The following RPS6KC1 variants were observed in gnomAD, a reference collection of about 807,000 sequenced individuals.
RPS6KC1 encodes the protein inactive ribosomal protein S6 kinase delta-1.
RPS6KC1 carries 54 observed loss-of-function variants against 103.8 expected under a neutral mutation model. The ratio of observed to expected loss-of-function variants is 0.52; its 90% CI spans 0.42 to 0.65. The LOEUF is 0.65. Ranked by LOEUF, RPS6KC1 falls within the 30% of genes least tolerant of loss-of-function variation. The probability of loss-of-function intolerance (pLI) is 0.00; values close to 1 mark genes in which losing one functional copy is unlikely to be tolerated. For synonymous variants in RPS6KC1, 439 were observed against 438.7 expected (o/e 1.00, Z -0.01); for missense variants, 1,151 against 1,253.8 (o/e 0.92, Z 1.24).
the RPS6KC1 span, among the ~76,000 whole-genome samples, chr1:213,313,986 C>T: frequency 1.3e-5 from 2 of 152,094 alleles, no homozygotes; most frequent in African/African-American, 4.8e-5. Flanking sequence ...GAAACTTATT[C>T]TCTCCCAGTT....
the RPS6KC1 span, among the ~76,000 whole-genome samples, chr1:213,484,506 A>G: frequency 1.4e-4 from 22 of 152,336 alleles, no homozygotes; most frequent in African/African-American, 5.3e-4. Context: ...GGCTTTCCCT[A>G]GAGAAGGTGA....
the RPS6KC1 span, among the ~76,000 whole-genome samples, chr1:213,726,419 T>C: frequency 8.5e-5 from 13 of 152,164 alleles, no homozygotes; most frequent in Admixed American, 2.0e-4. Flanking sequence ...GCACTAACTG[T>C]CATAAAAAAG....
chr1:213,358,962 T>A, the RPS6KC1 span, among the ~76,000 whole-genome samples: 40 of 152,308 alleles, frequency 2.6e-4, no homozygotes, highest in African/African-American at 8.4e-4. Context: ...TGCTGAGGAG[T>A]GCTTTACTTC....
At chr1:213,058,741 C>A (rs1189668273) in intron 1 of RPS6KC1, among the ~76,000 whole-genome samples, 1 of 152,026 alleles carries the variant, frequency 6.6e-6, no homozygotes, top group Non-Finnish European at 1.5e-5. Flanking sequence ...TACCCTAGTT[C>A]CTTTGCTTTT....
chr1:213,286,658 C>A, the RPS6KC1 span, among the ~76,000 whole-genome samples: 1 of 152,268 alleles, frequency 6.6e-6, no homozygotes, highest in East Asian at 1.9e-4. Context: ...GGTAGAGTGT[C>A]TTTATAAAAC....
At chr1:213,728,116 A>C in the RPS6KC1 span, among the ~76,000 whole-genome samples, 1 of 152,142 alleles carries the variant, frequency 6.6e-6, no homozygotes, top group African/African-American at 2.4e-5. Context: ...GGAGTAAAGC[A>C]GAGTGATATG....
the RPS6KC1 span, among the ~76,000 whole-genome samples, chr1:213,690,204 G>A: frequency 1.1e-4 from 17 of 152,174 alleles, no homozygotes; most frequent in Non-Finnish European, 2.5e-4. Context: ...AAGGTCCTCA[G>A]GGACATCTTT....
the RPS6KC1 span, among the ~76,000 whole-genome samples, chr1:213,671,202 G>A: frequency 6.6e-6 from 1 of 152,162 alleles, no homozygotes. Context: ...CTTAAAAACA[G>A]GAAATTTTGT....
chr1:213,521,885 C>T, the RPS6KC1 span, among the ~76,000 whole-genome samples: 207 of 152,298 alleles, frequency 1.4e-3, 1 homozygote, highest in African/African-American at 4.6e-3. Flanking sequence ...ACTGACGTTG[C>T]GAGTCCCTTA....
chr1:213,786,265 C>T, the RPS6KC1 span, among the ~76,000 whole-genome samples: 121 of 152,258 alleles, frequency 7.9e-4, 2 homozygotes, highest in African/African-American at 2.9e-3. Context: ...TTTGAAAAGC[C>T]TTAGCCCCAG....
the RPS6KC1 span, among the ~76,000 whole-genome samples, chr1:213,290,222 A>C: frequency 2.4e-3 from 362 of 151,468 alleles, 1 homozygote; most frequent in Middle Eastern, 0.01. Flanking sequence ...AATAGCAGTG[A>C]AAGGGATGAG....
At chr1:213,172,513 A>G (rs2091551751) in intron 7 of RPS6KC1, among the ~76,000 whole-genome samples, 2 of 152,246 alleles carry the variant, frequency 1.3e-5, no homozygotes, top group Non-Finnish European at 2.9e-5. Flanking sequence ...CAGGAGGCTG[A>G]GGCACAAGGT....
chr1:213,353,602 A>G, the RPS6KC1 span, among the ~76,000 whole-genome samples: 12 of 152,228 alleles, frequency 7.9e-5, 1 homozygote, highest in Admixed American at 7.9e-4. Context: ...GCTGTGAAAT[A>G]GCAAAGTGAA....
In RPS6KC1 at chr1:213,242,565, T is replaced by C; in HGVS notation, c.2822-4T>C. 6.2e-7 allele frequency: 1 copy of C among 1,610,808 alleles called. No homozygotes were observed. The highest frequency in any genetic ancestry group is 8.5e-7 in the Non-Finnish European group (1 of 1,177,650). ...TTTGATTTCTCCTGTCGTTTTGTTT[T>C]TAGGACACATTCAGCTAACGTATTT... On this transcript the variant is annotated splice_polypyrimidine_tract_variant and splice_region_variant and intron_variant, in intron 11 of 14. Transcript: ENST00000366960.
the RPS6KC1 span, among the ~76,000 whole-genome samples, chr1:213,389,269 G>T: frequency 6.6e-6 from 1 of 152,194 alleles, no homozygotes; most frequent in Non-Finnish European, 1.5e-5. Flanking sequence ...CAGAGTTGGA[G>T]ATGTACTGCC....
the RPS6KC1 span, among the ~76,000 whole-genome samples, chr1:213,463,272 A>G: frequency 6.6e-6 from 1 of 151,972 alleles, no homozygotes; most frequent in South Asian, 2.1e-4. Context: ...AAGAGCACAG[A>G]CTCTGGGGCC....
At chr1:213,413,420 G>C in the RPS6KC1 span, among the ~76,000 whole-genome samples, 75 of 152,196 alleles carry the variant, frequency 4.9e-4, no homozygotes, top group Non-Finnish European at 8.7e-4. Context: ...ATTTCTAGGA[G>C]CTGGGAGGTT....
At chr1:213,263,875 G>A (rs1262136978) in intron 14 of RPS6KC1, among the ~76,000 whole-genome samples, 2 of 152,104 alleles carry the variant, frequency 1.3e-5, no homozygotes, top group Non-Finnish European at 2.9e-5. Flanking sequence ...GTAGTATTAG[G>A]GGAAGTTTTT....
chr1:213,459,249 GT>G, the RPS6KC1 span, among the ~76,000 whole-genome samples: 1 of 151,976 alleles, frequency 6.6e-6, no homozygotes, highest in African/African-American at 2.4e-5. Flanking sequence ...CTTTTTTTTG[GT>G]TTGTAGGCTA....
Sources: gnomAD v4.1 joint callset for allele counts (sites outside exome capture counted in the v4.1 genomes callset) on GRCh38, gnomAD v4.1.1 for gene constraint, MANE v1.5 for transcripts, NCBI Gene and HGNC (gene_info 2026-07-23, HGNC 2026-07-21) for gene names.